The following SLC38A1 variants were observed in gnomAD, a reference collection of about 807,000 sequenced individuals.
The protein encoded by SLC38A1 is sodium-coupled neutral amino acid symporter 1.
SLC38A1 carries 18 observed loss-of-function variants against 60.3 expected under a neutral mutation model. That is an observed-to-expected ratio of 0.30 (90% CI 0.21 to 0.44). The LOEUF (loss-of-function observed/expected upper bound fraction) is 0.44, where lower values mean the gene tolerates loss of function less well. Among genes scored for constraint, SLC38A1 ranks in the 20% least tolerant of loss-of-function variants. The pLI, the probability that SLC38A1 is intolerant of heterozygous loss-of-function variation, is 1.00. For missense variants in SLC38A1, 448 were observed against 587.2 expected, an observed-to-expected ratio of 0.76 and a Z score of 2.45; for synonymous variants, 196 against 212.1, an observed-to-expected ratio of 0.92 and a Z score of 0.66.
At chr12:46,233,387 C>T (rs1941147734) in intron 3 of SLC38A1, among the ~76,000 whole-genome samples, 2 of 152,276 alleles carry the variant, frequency 1.3e-5, no homozygotes, top group South Asian at 4.1e-4. Flanking sequence ...TTTCCTTTGC[C>T]TTTCTTGTGG....
chr12:46,198,203 G>A (rs779540143), intron 14 of SLC38A1, 143 bp from the exon 15 acceptor site: 29 of 880,516 alleles, frequency 3.3e-5, no homozygotes, highest in South Asian at 5.4e-5. Context: ...TAGCTTAACA[G>A]TTTTGGAAGT....
In SLC38A1 at chr12:46,204,071, A is replaced by C. The variant is rs79409060; in HGVS notation, c.822+230T>G. ...ACTCTACACAGAAAAAGCTGAGACAATTATCCAGAATGGGATTTTCACAGA... is the reference window on the plus strand; with the variant it reads ...ACTCTACACAGAAAAAGCTGAGACACTTATCCAGAATGGGATTTTCACAGA... On this transcript the variant is annotated intron_variant, in intron 11 of 16. Transcript: ENST00000398637. 6.7e-3 allele frequency among the ~76,000 whole-genome samples: 1,017 copies of C among 152,350 alleles called. 7 individuals are homozygous for C. The highest frequency in any genetic ancestry group is 0.023 in the African/African-American group (951 of 41,586).
At chr12:46,228,883 A>T (rs918188418) in intron 5 of SLC38A1, among the ~76,000 whole-genome samples, 1 of 152,196 alleles carries the variant, frequency 6.6e-6, no homozygotes, top group Non-Finnish European at 1.5e-5. Context: ...AAATACCAAA[A>T]AAAGTTATTT....
rs1565752906 is a variant in SLC38A1, at chr12:46,199,326, TGTGTG to T, written c.1004-588_1004-584del. Reference sequence around the variant, plus strand: ...ACTACTTTGTGTGTGTGTGTGTGTGTGTGTGTGTGTGTGTGTGTGTGTGTGTGTGT... The same window carrying T: ...ACTACTTTGTGTGTGTGTGTGTGTGTTGTGTGTGTGTGTGTGTGTGTGTGT... On this transcript the variant is annotated intron_variant, in intron 13 of 16. Transcript: ENST00000398637. Among the ~76,000 whole-genome samples the T allele has an allele frequency of 5.9e-3, 670 of 112,734 alleles. 7 individuals carry two copies. The highest frequency in any genetic ancestry group is 0.012 in the African/African-American group (433 of 36,474). The allele number at this position is 112,734 out of a possible 152,430, so 74.0% of individuals were successfully genotyped here.
At chr12:46,239,646 A>T in intron 3 of SLC38A1, 33 bp downstream of exon 3, 1 of 1,610,798 alleles carries the variant, frequency 6.2e-7, no homozygotes. Flanking sequence ...CATTTCTTTC[A>T]CTGGATAGAA....
At chr12:46,267,020 G>C (rs1288904285) in intron 1 of SLC38A1, among the ~76,000 whole-genome samples, 1 of 152,160 alleles carries the variant, frequency 6.6e-6, no homozygotes, top group Non-Finnish European at 1.5e-5. Context: ...CATGCACCGA[G>C]CTCAGGTTTT....
Position 46,204,604 on chromosome 12 carries a change from T to TA in SLC38A1, c.647-15dup, listed in dbSNP as rs774966679. On this transcript the variant is annotated splice_polypyrimidine_tract_variant and intron_variant, in intron 9 of 16. Coordinates refer to ENST00000398637, the MANE Select transcript of SLC38A1 (RefSeq NM_030674.4). ...AGCCAAGATACCCTTTAAAAAAAAG[T>TA]AAAAAATAAATTATTTCATTTTTTT... is the stretch of plus-strand genomic sequence containing the variant. The TA allele has an allele frequency of 5.7e-6, 9 of 1,572,298 alleles. No homozygotes were observed. The highest frequency in any genetic ancestry group is 6.9e-6 in the Non-Finnish European group (8 of 1,161,148).
chr12:46,222,478 C>T (rs1940697614), intron 5 of SLC38A1, among the ~76,000 whole-genome samples: 2 of 152,268 alleles, frequency 1.3e-5, no homozygotes, highest in East Asian at 3.9e-4. Context: ...TACTATGCTA[C>T]ACAGTATTAA....
intron 16 of SLC38A1, chr12:46,196,168 T>C (rs1939366786): frequency 1.3e-6 from 2 of 1,535,978 alleles, no homozygotes; most frequent in Non-Finnish European, 1.7e-6. Flanking sequence ...GAACACAAGA[T>C]TATAAGTTCC....
At chr12:46,229,097 G>T in intron 5 of SLC38A1, 56 bp downstream of exon 5, 1 of 984,418 alleles carries the variant, frequency 1.0e-6, no homozygotes, top group Non-Finnish European at 1.6e-6. Flanking sequence ...TGTAATAACA[G>T]AAACATACAA....
At chr12:46,225,337 G>A (rs373616484) in intron 5 of SLC38A1, among the ~76,000 whole-genome samples, 2 of 152,246 alleles carry the variant, frequency 1.3e-5, no homozygotes, top group East Asian at 3.9e-4. Flanking sequence ...CTGACTGGTT[G>A]GTCCTCCCCT....
At chr12:46,208,476 T>G (rs1329820266) in intron 6 of SLC38A1, among the ~76,000 whole-genome samples, 1 of 152,222 alleles carries the variant, frequency 6.6e-6, no homozygotes, top group Admixed American at 6.5e-5. Flanking sequence ...AATGGAGTCA[T>G]GTATATACAA....
At chr12:46,216,809 G>A (rs1418491120) in intron 5 of SLC38A1, among the ~76,000 whole-genome samples, 1 of 152,004 alleles carries the variant, frequency 6.6e-6, no homozygotes, top group Middle Eastern at 3.4e-3. Flanking sequence ...GCAGTGAGCT[G>A]AGATCATGTC....
intron 16 of SLC38A1, 186 bp downstream of exon 16, chr12:46,197,534 T>G (rs1279501446): frequency 4.0e-6 from 2 of 504,834 alleles, no homozygotes; most frequent in Admixed American, 8.0e-5. Context: ...CCAGAAAAGA[T>G]ATTTGGAGGG....
In SLC38A1 at chr12:46,185,899, C is replaced by CTG. The variant is rs1225109113; in HGVS notation, c.*3069_*3070dup. 1 of 152,198 alleles carries CTG rather than the reference C, an allele frequency of 6.6e-6. No individual in the cohort carries two copies. Among genetic ancestry groups the CTG allele is most frequent in the African/African-American group, 2.4e-5 (1 of 41,434 alleles). The allele number at this position is 152,198 out of a possible 1,614,324, so 9.4% of individuals were successfully genotyped here. On this transcript the variant is annotated 3_prime_UTR_variant, in exon 17 of 17. Transcript: ENST00000398637. The stretch of plus-strand genomic sequence containing the variant: ...TAGTCTGGTGGCATCTCTACCCCTA[C>CTG]TGTCCAGTAGGTGGGATGTGGCTGG...
intron 1 of SLC38A1, among the ~76,000 whole-genome samples, chr12:46,245,192 C>T (rs1228522714): frequency 6.6e-6 from 1 of 152,198 alleles, no homozygotes. Context: ...AATTCTAAAA[C>T]TTGTTATGAA....
At chr12:46,208,196 A>C (rs936941638) in intron 6 of SLC38A1, among the ~76,000 whole-genome samples, 1 of 152,256 alleles carries the variant, frequency 6.6e-6, no homozygotes, top group Non-Finnish European at 1.5e-5. Flanking sequence ...AAAAGAGAGC[A>C]GAAGACTAAT....
rs770088808 is a variant in SLC38A1 at position 46,204,417 on chromosome 12, C to T, written c.706G>A (p.Val236Ile). The change falls in exon 11 of 17, where the codon GTT becomes ATT. Residue 236 changes from valine (V) to isoleucine (I), a missense_variant and splice_region_variant. Coordinates refer to ENST00000398637, the MANE Select transcript of SLC38A1 (RefSeq NM_030674.4). ...GGAATTTGAAATTTCTTGTAAATAA[C>T]CTGGTATTAAGAAGTATAGTAGAAG... ...LSCMVFFLIV[V>I]IYKKFQIPCI... 1.3e-5 allele frequency: 21 copies of T among 1,606,864 alleles called. No homozygotes were observed. In the East Asian group the frequency reaches 4.5e-4, roughly 34 times the overall value.
rs138048350 is a variant in SLC38A1 at position 46,256,552 on chromosome 12, G to A, written c.-209+11974C>T. On this transcript the variant is annotated intron_variant, in intron 1 of 16. Transcript: ENST00000398637. ...GAAAGTACTGCCACGTGGTTGCAAG[G>A]TCAAGCTCCCAAGGACATGACTGAC... Among the ~76,000 whole-genome samples the A allele has an allele frequency of 1.8e-4, 28 of 151,538 alleles. No individual in the cohort carries two copies. In the East Asian group the frequency reaches 5.5e-3, roughly 30 times the overall value.
Sources: allele counts gnomAD v4.1 joint callset (sites outside exome capture counted in the v4.1 genomes callset), GRCh38; gene constraint gnomAD v4.1.1; transcripts MANE v1.5; gene names NCBI Gene and HGNC (gene_info 2026-07-23, HGNC 2026-07-21).